LRRC1: variants seen among roughly 807,000 people sequenced by gnomAD.
LRRC1 encodes leucine rich repeat containing 1, also known as leucine-rich repeat-containing protein 1.
In LRRC1, 28 loss-of-function variants were observed where a neutral mutation model predicts 69.9. That is an observed-to-expected ratio of 0.40 (90% CI 0.30 to 0.55). The LOEUF (loss-of-function observed/expected upper bound fraction) is 0.55, where lower values mean the gene tolerates loss of function less well. LRRC1 is among the 20% of genes least tolerant of loss of function. The pLI, the probability that LRRC1 is intolerant of heterozygous loss-of-function variation, is 0.47. For missense variants in LRRC1, 498 were observed against 609.0 expected, an observed-to-expected ratio of 0.82 and a Z score of 1.92; for synonymous variants, 236 against 240.2, an observed-to-expected ratio of 0.98 and a Z score of 0.16.
At chr6:53,904,514 A>C in intron 10 of LRRC1, 52 bp downstream of exon 10, 2 of 1,205,208 alleles carry the variant, frequency 1.7e-6, no homozygotes, top group Non-Finnish European at 2.4e-6. Flanking sequence ...AAATAATAAT[A>C]ATACATAAGG....
chr6:53,902,651 C>T lies in LRRC1; in HGVS notation c.810C>T (p.Ile270=). 1 of 1,601,706 alleles carries T rather than the reference C, an allele frequency of 6.2e-7. No individual in the cohort carries two copies. The highest frequency in any genetic ancestry group is 8.5e-7 in the Non-Finnish European group (1 of 1,174,742). The change falls in exon 9 of 14, where the codon ATC becomes ATT. Residue 270 remains isoleucine (I), a synonymous_variant. Coordinates refer to ENST00000370888, the MANE Select transcript of LRRC1 (RefSeq NM_018214.5). The part of the protein sequence containing the change: ...DGIGKLKKLS[I]LKVDQNRLTQ... The stretch of plus-strand genomic sequence containing the variant: ...CAGGAAAACTAAAGAAACTGTCAAT[C>T]TTGAAGGTGGATCAGAATAGACTCA...
intron 4 of LRRC1, among the ~76,000 whole-genome samples, chr6:53,888,461 A>C (rs1306536469): frequency 6.6e-6 from 1 of 152,226 alleles, no homozygotes; most frequent in African/African-American, 2.4e-5. Context: ...AAGACTCAAT[A>C]AGTGGTAAGA....
chr6:53,823,683 A>G (rs1198281717), intron 1 of LRRC1, among the ~76,000 whole-genome samples: 2 of 152,026 alleles, frequency 1.3e-5, no homozygotes, highest in African/African-American at 2.4e-5. Flanking sequence ...CCCAGTATCT[A>G]TTGTTACCCT....
At chr6:53,805,825 A>C (rs1175594098) in intron 1 of LRRC1, among the ~76,000 whole-genome samples, 1 of 152,214 alleles carries the variant, frequency 6.6e-6, no homozygotes, top group East Asian at 1.9e-4. Flanking sequence ...ATACTTGGTC[A>C]GAATGATCTT....
chr6:53,807,472 G>A (rs150443906), intron 1 of LRRC1, among the ~76,000 whole-genome samples: 1,916 of 152,308 alleles, frequency 0.013, 16 homozygotes, highest in Non-Finnish European at 0.02. Context: ...GAAGCCAGGC[G>A]CAGTGGCTTA....
intron 11 of LRRC1, among the ~76,000 whole-genome samples, chr6:53,915,177 A>G (rs189847362): frequency 6.6e-6 from 1 of 152,268 alleles, no homozygotes; most frequent in Non-Finnish European, 1.5e-5. Flanking sequence ...CCAGCAGTCT[A>G]AAGAGTGTTT....
At chr6:53,871,881 T>C (rs1169033616) in intron 2 of LRRC1, among the ~76,000 whole-genome samples, 1 of 152,196 alleles carries the variant, frequency 6.6e-6, no homozygotes, top group African/African-American at 2.4e-5. Flanking sequence ...TTAGCCAGGC[T>C]GGTCTCGAAC....
intron 1 of LRRC1, among the ~76,000 whole-genome samples, chr6:53,811,540 A>C (rs865817046): frequency 1.3e-5 from 2 of 152,272 alleles, no homozygotes; most frequent in Non-Finnish European, 2.9e-5. Flanking sequence ...TGAGCTGCTC[A>C]CACACAGGAT....
At chr6:53,899,985 AT>A in intron 8 of LRRC1, 94 bp downstream of exon 8, 1 of 761,926 alleles carries the variant, frequency 1.3e-6, no homozygotes, top group Non-Finnish European at 2.0e-6. Context: ...CCACTTTCAG[AT>A]GCTGAGGATG....
intron 2 of LRRC1, among the ~76,000 whole-genome samples, chr6:53,873,060 A>G (rs1392196039): frequency 6.6e-6 from 1 of 151,900 alleles, no homozygotes; most frequent in African/African-American, 2.4e-5. Flanking sequence ...CCTGGCCACA[A>G]TGTTAATTCT....
intron 2 of LRRC1, among the ~76,000 whole-genome samples, chr6:53,862,009 G>A (rs1766542686): frequency 6.6e-6 from 1 of 152,100 alleles, no homozygotes; most frequent in Admixed American, 6.6e-5. Context: ...GTTCAGGGGA[G>A]GAAAAGATTC....
intron 1 of LRRC1, among the ~76,000 whole-genome samples, chr6:53,804,266 CA>C (rs1373187157): frequency 6.6e-6 from 1 of 152,082 alleles, no homozygotes; most frequent in Non-Finnish European, 1.5e-5. Context: ...TTTTAATTGA[CA>C]AATAATTGTA....
At chr6:53,920,847 A>C in intron 13 of LRRC1, 86 bp downstream of exon 13, 2 of 1,455,850 alleles carry the variant, frequency 1.4e-6, no homozygotes, top group Non-Finnish European at 1.9e-6. Flanking sequence ...CTTTATTTTC[A>C]ATTAGTATGT....
At chr6:53,840,278 G>T (rs1264179972) in intron 1 of LRRC1, among the ~76,000 whole-genome samples, 1 of 152,108 alleles carries the variant, frequency 6.6e-6, no homozygotes, top group Non-Finnish European at 1.5e-5. Flanking sequence ...TGGGAATAAT[G>T]ATTTTTTTGG....
At chr6:53,880,460 ATCTGAC>A (rs1435268001) in intron 3 of LRRC1, among the ~76,000 whole-genome samples, 1 of 152,054 alleles carries the variant, frequency 6.6e-6, no homozygotes, top group Non-Finnish European at 1.5e-5. Flanking sequence ...TTGCCCCTCC[ATCTGAC>A]TTTGATATGT....
intron 1 of LRRC1, among the ~76,000 whole-genome samples, chr6:53,817,592 T>C (rs769693472): frequency 7.2e-5 from 11 of 152,212 alleles, no homozygotes; most frequent in Non-Finnish European, 1.6e-4. Context: ...GGGGATTATC[T>C]TTGTACCCCC....
intron 4 of LRRC1, among the ~76,000 whole-genome samples, chr6:53,886,033 A>G (rs923206243): frequency 1.3e-5 from 2 of 152,238 alleles, no homozygotes; most frequent in Admixed American, 1.3e-4. Context: ...AGGTCCAAAC[A>G]TCTTAATAAG....
rs543736709 is a variant in LRRC1, at chr6:53,807,069, G to C, written c.159+11654G>C. 7.2e-5 allele frequency among the ~76,000 whole-genome samples: 11 copies of C among 152,268 alleles called. No homozygotes were observed. The East Asian group carries it at 2.1e-3, about 29-fold the overall frequency. ...AGATTGTATTTTGAGAAACAGTTTG[G>C]GGACTGACCATTAGAAATATCTATG... On this transcript the variant is annotated intron_variant, in intron 1 of 13. Coordinates refer to ENST00000370888, the MANE Select transcript of LRRC1 (RefSeq NM_018214.5).
chr6:53,885,236 T>C (rs981119267), intron 4 of LRRC1, among the ~76,000 whole-genome samples: 1 of 152,214 alleles, frequency 6.6e-6, no homozygotes, highest in African/African-American at 2.4e-5. Flanking sequence ...AACAGTGAAT[T>C]GTTGAGGAAA....
Sources: gnomAD v4.1 joint callset for allele counts (sites outside exome capture counted in the v4.1 genomes callset) on GRCh38, gnomAD v4.1.1 for gene constraint, MANE v1.5 for transcripts, NCBI Gene and HGNC (gene_info 2026-07-23, HGNC 2026-07-21) for gene names.